Variants in ARHGAP44 observed in about 807,000 individuals in gnomAD.
ARHGAP44 encodes the protein rho GTPase-activating protein 44.
A neutral mutation model predicts 106.8 loss-of-function variants in ARHGAP44; 43 were observed. The observed-to-expected ratio is 0.40, with a 90% CI of 0.32 to 0.52. ARHGAP44 has a LOEUF of 0.52. Ranked by LOEUF, ARHGAP44 falls within the 20% of genes least tolerant of loss-of-function variation. ARHGAP44 has a pLI of 0.48. For synonymous variants in ARHGAP44, 439 were observed against 410.3 expected (o/e 1.07, Z -0.85); for missense variants, 866 against 1,050.5 (o/e 0.82, Z 2.43).
intron 1 of ARHGAP44, among the ~76,000 whole-genome samples, chr17:12,853,204 CT>C (rs948435282): frequency 6.6e-6 from 1 of 152,172 alleles, no homozygotes; most frequent in African/African-American, 2.4e-5. Flanking sequence ...AGCTGAAGAA[CT>C]TGGAGTCTGA....
intron 1 of ARHGAP44, among the ~76,000 whole-genome samples, chr17:12,805,354 A>G (rs1442115893): frequency 2.0e-5 from 3 of 152,218 alleles, no homozygotes; most frequent in Non-Finnish European, 2.9e-5. Context: ...TAGCATAAGC[A>G]GGTCTTTATC....
chr17:12,940,397 G>A (rs2038674470), intron 7 of ARHGAP44, among the ~76,000 whole-genome samples: 1 of 152,182 alleles, frequency 6.6e-6, no homozygotes, highest in Non-Finnish European at 1.5e-5. Flanking sequence ...CTCCTTGGAG[G>A]ACAAAACATT....
intron 1 of ARHGAP44, among the ~76,000 whole-genome samples, chr17:12,794,736 T>A (rs2033868853): frequency 6.6e-6 from 1 of 152,122 alleles, no homozygotes; most frequent in African/African-American, 2.4e-5. Flanking sequence ...TGGTTTCTGG[T>A]GCACAGCTTT....
intron 1 of ARHGAP44, among the ~76,000 whole-genome samples, chr17:12,804,871 C>G (rs1169836116): frequency 1.3e-5 from 2 of 152,162 alleles, no homozygotes; most frequent in Admixed American, 6.5e-5. Context: ...AGAATAGACT[C>G]AAGAACTGTT....
At chr17:12,848,139 G>T (rs2035625157) in intron 1 of ARHGAP44, among the ~76,000 whole-genome samples, 1 of 152,198 alleles carries the variant, frequency 6.6e-6, no homozygotes, top group South Asian at 2.1e-4. Context: ...AATAGAGACA[G>T]ATATCAGACT....
At chr17:12,919,949 C>A in intron 6 of ARHGAP44, 118 bp downstream of exon 6, 2 of 762,992 alleles carry the variant, frequency 2.6e-6, no homozygotes, top group South Asian at 1.8e-5. Context: ...GGACACCTAA[C>A]GTGTACCAGG....
intron 1 of ARHGAP44, among the ~76,000 whole-genome samples, chr17:12,815,936 G>A (rs375832357): frequency 2.6e-5 from 4 of 152,162 alleles, no homozygotes; most frequent in African/African-American, 7.2e-5. Context: ...AAGGAAGTGG[G>A]TATTGTGGAG....
At chr17:12,905,958 A>T (rs2037533489) in intron 3 of ARHGAP44, among the ~76,000 whole-genome samples, 1 of 152,190 alleles carries the variant, frequency 6.6e-6, no homozygotes, top group Non-Finnish European at 1.5e-5. Context: ...CACTATTGCC[A>T]TTTTGAGCCT....
chr17:12,795,154 C>CA (rs2033881943), intron 1 of ARHGAP44, among the ~76,000 whole-genome samples: 3 of 152,228 alleles, frequency 2.0e-5, no homozygotes, highest in Admixed American at 6.5e-5. Context: ...ACTCGTCCCC[C>CA]AAAGAGCGCT....
intron 1 of ARHGAP44, among the ~76,000 whole-genome samples, chr17:12,827,951 A>G (rs1025509611): frequency 2.0e-5 from 3 of 150,202 alleles, no homozygotes; most frequent in Non-Finnish European, 4.4e-5. Flanking sequence ...AGGCAGGAGA[A>G]TCACTTGAAC....
chr17:12,984,387 G>C, intron 19 of ARHGAP44, 144 bp from the exon 20 acceptor site: 1 of 777,464 alleles, frequency 1.3e-6, no homozygotes, highest in Non-Finnish European at 1.8e-6. Context: ...AGAGGCCGGG[G>C]GGCAGGGCAG....
In ARHGAP44 at chr17:12,955,967, C is replaced by T; in HGVS notation, c.1237C>T (p.Pro413Ser). The change falls in exon 14 of 21, where the codon CCA (proline) becomes TCA (serine). Residue 413 changes from proline (P) to serine (S), a missense_variant. Pro to Ser is a moderately conservative substitution (Grantham distance 74). Transcript: ENST00000379672. ...TGTTTTAGGACCCAACCTCCTATGG[C>T]CACAAGCAGAAGGGTAAGTACAGGG... is the stretch of plus-strand genomic sequence containing the variant. ...AIVLGPNLLW[P>S]QAEGNITEMM... 1 of 1,612,062 alleles carries T rather than the reference C, an allele frequency of 6.2e-7. No individual in the cohort carries two copies. Among genetic ancestry groups the T allele is most frequent in the Non-Finnish European group, 8.5e-7 (1 of 1,178,582 alleles).
intron 14 of ARHGAP44, 62 bp from the exon 15 acceptor site, chr17:12,956,593 G>C: frequency 1.4e-6 from 2 of 1,438,104 alleles, no homozygotes; most frequent in Admixed American, 3.5e-5. Context: ...AGAGGACCAT[G>C]GGCCTCAAAG....
intron 7 of ARHGAP44, among the ~76,000 whole-genome samples, chr17:12,938,474 GA>G (rs1248807620): frequency 1.3e-5 from 2 of 148,548 alleles, no homozygotes; most frequent in African/African-American, 5.0e-5. Flanking sequence ...CCAGCATGAA[GA>G]AAATCCAAAT....
rs117182062 is a variant in ARHGAP44 at position 12,972,281 on chromosome 17, G to A, written c.1524-1021G>A. Among the ~76,000 whole-genome samples, 160 of 152,268 alleles carry A rather than the reference G, an allele frequency of 1.1e-3. 3 individuals carry two copies. In the East Asian group the frequency reaches 0.027, roughly 26 times the overall value. ...TCAATGAGTCAATGAAACCTTGGCT[G>A]AGATGACAGCAGCAGTACCTCCTAG... is the stretch of plus-strand genomic sequence containing the variant. On this transcript the variant is annotated intron_variant, in intron 16 of 20. Transcript: ENST00000379672.
In ARHGAP44 at chr17:12,888,930, C is replaced by T. The variant is rs149712181; in HGVS notation, c.54-6010C>T. Among the ~76,000 whole-genome samples the T allele has an allele frequency of 7.9e-5, 12 of 152,172 alleles. No individual in the cohort carries two copies. The East Asian group carries it at 9.7e-4, about 12-fold the overall frequency. On this transcript the variant is annotated intron_variant, in intron 1 of 20. Coordinates refer to ENST00000379672, the MANE Select transcript of ARHGAP44 (RefSeq NM_014859.6). ...TTCTGCCTTTTTGGATCAGTGCTTC[C>T]ATTATGTCTTTTCCAATTTTTTATT...
chr17:12,984,724 T>TC lies in ARHGAP44; in HGVS notation c.2137dup (p.Leu713ProfsTer19). 6.2e-7 allele frequency: 1 copy of TC among 1,612,896 alleles called. No individual in the cohort carries two copies. The highest frequency in any genetic ancestry group is 8.5e-7 in the Non-Finnish European group (1 of 1,179,472). The stretch of plus-strand genomic sequence containing the variant: ...GCCAGCTCTCCCCAGCTGCAGCTCC[T>TC]CCCCTGGCCTCTCCTTCTGTCTTTA... On this transcript the variant is annotated frameshift_variant, in exon 20 of 21. Coordinates refer to ENST00000379672, the MANE Select transcript of ARHGAP44 (RefSeq NM_014859.6). LOFTEE classifies it high-confidence loss of function.
chr17:12,821,000 A>G (rs2034754224), intron 1 of ARHGAP44, among the ~76,000 whole-genome samples: 2 of 152,294 alleles, frequency 1.3e-5, no homozygotes, highest in African/African-American at 4.8e-5. Flanking sequence ...AACTGCCCTA[A>G]TCTTTATGCT....
In ARHGAP44 at chr17:12,987,240, T is replaced by C. The variant is rs1271531991; in HGVS notation, c.2317+2332T>C. 3 of 1,213,724 alleles carry C rather than the reference T, an allele frequency of 2.5e-6. No individual in the cohort carries two copies. In the African/African-American group the frequency reaches 4.6e-5, roughly 19 times the overall value. 75.2% of individuals were successfully genotyped at this position (1,213,724 alleles called of 1,614,324 possible). A position where few individuals can be genotyped will look rare whatever the true frequency, so the allele number is the denominator to read the frequency against. On this transcript the variant is annotated intron_variant, in intron 20 of 20. Coordinates refer to ENST00000379672, the MANE Select transcript of ARHGAP44 (RefSeq NM_014859.6). ...CCCCTCCGCTCCTCGTCTCTGCATG[T>C]GGCTCAGACCATTTGCATGGCAGCT...
Sources: allele counts gnomAD v4.1 joint callset (sites outside exome capture counted in the v4.1 genomes callset), GRCh38; gene constraint gnomAD v4.1.1; transcripts MANE v1.5; gene names NCBI Gene and HGNC (gene_info 2026-07-23, HGNC 2026-07-21).